Variants in ANO4 observed in about 807,000 individuals in gnomAD.
ANO4 encodes anoctamin 4.
Under a neutral mutation model 141.9 loss-of-function variants are expected in ANO4, and 69 were observed. The ratio of observed to expected loss-of-function variants is 0.49; its 90% confidence interval spans 0.40 to 0.59. The LOEUF (loss-of-function observed/expected upper bound fraction) is 0.59. Among genes scored for constraint, ANO4 ranks in the 20% least tolerant of loss-of-function variants. ANO4 has a pLI of 0.00. For synonymous variants in ANO4, 350 were observed against 394.3 expected (o/e 0.89, Z 1.33); for missense variants, 894 against 1,162.2 (o/e 0.77, Z 3.36).
intron 2 of ANO4, among the ~76,000 whole-genome samples, chr12:100,902,055 G>A (rs2040619508): frequency 6.6e-6 from 1 of 152,186 alleles, no homozygotes; most frequent in Admixed American, 6.5e-5. Context: ...AGAAGGTTGA[G>A]GCTATGTGCA....
At chr12:100,838,312 T>TG (rs1204872888) in intron 1 of ANO4, among the ~76,000 whole-genome samples, 2 of 149,904 alleles carry the variant, frequency 1.3e-5, no homozygotes, top group African/African-American at 4.9e-5. Context: ...TAAAACTGAA[T>TG]GGGGGTATGG....
At chr12:100,785,124 T>C (rs1280170431) in intron 3 of ANO4, among the ~76,000 whole-genome samples, 1 of 152,170 alleles carries the variant, frequency 6.6e-6, no homozygotes, top group Non-Finnish European at 1.5e-5. Flanking sequence ...ATAGTTGAGA[T>C]GAATGTACAG....
chr12:100,808,071 G>A (rs1316774431), intron 1 of ANO4, among the ~76,000 whole-genome samples: 2 of 152,046 alleles, frequency 1.3e-5, no homozygotes, highest in African/African-American at 4.8e-5. Context: ...ATTCCTCTGG[G>A]TATATACCCA....
intron 7 of ANO4, among the ~76,000 whole-genome samples, chr12:100,981,180 A>G (rs555506334): frequency 1.3e-5 from 2 of 152,290 alleles, no homozygotes; most frequent in South Asian, 4.1e-4. Context: ...AAAAACTAAT[A>G]CATGTAAATG....
intron 8 of ANO4, among the ~76,000 whole-genome samples, chr12:100,989,623 A>G (rs146845092): frequency 1.7e-5 from 1 of 57,488 alleles, no homozygotes; most frequent in African/African-American, 5.5e-5. Flanking sequence ...GGATGGATAG[A>G]TGGATGGATG....
chr12:101,076,485 A>G (rs112374682), intron 14 of ANO4, among the ~76,000 whole-genome samples: 303 of 152,312 alleles, frequency 2.0e-3, no homozygotes, highest in African/African-American at 6.9e-3. Flanking sequence ...ACAGGGAATT[A>G]ATGGTTAGAA....
At chr12:100,732,584 A>AT (rs1255628783) in intron 1 of ANO4, among the ~76,000 whole-genome samples, 1 of 152,006 alleles carries the variant, frequency 6.6e-6, no homozygotes, top group East Asian at 1.9e-4. Flanking sequence ...TGTATCCATT[A>AT]TTTTTTTCAT....
chr12:100,745,482 G>T (rs1183549795), intron 3 of ANO4, among the ~76,000 whole-genome samples: 1 of 152,174 alleles, frequency 6.6e-6, no homozygotes, highest in Non-Finnish European at 1.5e-5. Context: ...TCATGTACTT[G>T]TTCGCTCAGT....
At chr12:100,916,939 C>T (rs1019718519) in intron 2 of ANO4, among the ~76,000 whole-genome samples, 16 of 149,400 alleles carry the variant, frequency 1.1e-4, no homozygotes, top group African/African-American at 3.7e-4. Flanking sequence ...GCTGCGATTG[C>T]ATCATTGAAC....
chr12:101,060,345 A>T (rs551841554), intron 14 of ANO4, among the ~76,000 whole-genome samples: 44 of 152,334 alleles, frequency 2.9e-4, no homozygotes, highest in African/African-American at 9.9e-4. Flanking sequence ...GCTGAGAAGA[A>T]TGTATATTCT....
At chr12:100,930,534 A>G (rs1454635977) in intron 3 of ANO4, among the ~76,000 whole-genome samples, 1 of 152,162 alleles carries the variant, frequency 6.6e-6, no homozygotes, top group African/African-American at 2.4e-5. Context: ...CTGTTCCACT[A>G]ATCTATGTGT....
rs568027960 is a variant in ANO4, at chr12:101,081,200, G to A, written c.1395+1925G>A. ...CATGGGAACAGTTCCCAGTGGGATG[G>A]AAAATATTCTTTCCTGGGAATCACC... On this transcript the variant is annotated intron_variant, in intron 15 of 27. Transcript: ENST00000392977. Among the ~76,000 whole-genome samples, 11 of 152,054 alleles carry A rather than the reference G, an allele frequency of 7.2e-5. No homozygotes were observed. In the South Asian group the frequency reaches 2.3e-3, roughly 32 times the overall value.
At chr12:100,840,498 G>A (rs1206747361) in intron 1 of ANO4, among the ~76,000 whole-genome samples, 1 of 152,154 alleles carries the variant, frequency 6.6e-6, no homozygotes, top group Non-Finnish European at 1.5e-5. Context: ...TTGGGTCATA[G>A]CAGTTAGTAG....
intron 15 of ANO4, among the ~76,000 whole-genome samples, chr12:101,081,291 C>T (rs748065644): frequency 4.6e-5 from 7 of 152,122 alleles, no homozygotes; most frequent in Non-Finnish European, 8.8e-5. Flanking sequence ...ACTAAATTTT[C>T]CCCTTCTATC....
At chr12:100,994,921 G>T (rs564011109) in intron 8 of ANO4, among the ~76,000 whole-genome samples, 1 of 152,280 alleles carries the variant, frequency 6.6e-6, no homozygotes, top group South Asian at 2.1e-4. Context: ...CACAAGTTAG[G>T]AGTGGAGATT....
chr12:100,745,851 A>G (rs1463363218), intron 3 of ANO4, among the ~76,000 whole-genome samples: 1 of 152,238 alleles, frequency 6.6e-6, no homozygotes, highest in Middle Eastern at 3.2e-3. Context: ...AAATATATCC[A>G]TATGTAAATG....
intron 1 of ANO4, among the ~76,000 whole-genome samples, chr12:100,841,232 A>T (rs1387241277): frequency 6.6e-6 from 1 of 152,218 alleles, no homozygotes; most frequent in Non-Finnish European, 1.5e-5. Flanking sequence ...ATTTAAAAAA[A>T]TGCTACCACC....
chr12:101,070,458 C>T (rs1019512504), intron 14 of ANO4, among the ~76,000 whole-genome samples: 4 of 152,084 alleles, frequency 2.6e-5, no homozygotes, highest in African/African-American at 4.8e-5. Context: ...AGCTGGATAT[C>T]CATATGCAGA....
chr12:100,800,043 A>G (rs966715534), intron 1 of ANO4, among the ~76,000 whole-genome samples: 1 of 152,162 alleles, frequency 6.6e-6, no homozygotes, highest in African/African-American at 2.4e-5. Flanking sequence ...TACCAGTCAG[A>G]GTGAGTCATA....
Sources: gnomAD v4.1 joint callset for allele counts (sites outside exome capture counted in the v4.1 genomes callset) on GRCh38, gnomAD v4.1.1 for gene constraint, MANE v1.5 for transcripts, NCBI Gene and HGNC (gene_info 2026-07-23, HGNC 2026-07-21) for gene names.